PHYKPL: variants seen among roughly 807,000 people sequenced by gnomAD.
The protein encoded by PHYKPL is 5-phosphohydroxy-L-lysine phospho-lyase.
In PHYKPL, 42 loss-of-function variants were observed where a neutral mutation model predicts 51.3. The ratio of observed to expected loss-of-function variants is 0.82; its 90% CI spans 0.64 to 1.06. The LOEUF (loss-of-function observed/expected upper bound fraction) is 1.06, where lower values mean the gene tolerates loss of function less well. Among genes scored for constraint, PHYKPL ranks in the 50% least tolerant of loss-of-function variants. PHYKPL has a pLI of 0.00. For missense variants in PHYKPL, 655 were observed against 586.6 expected (o/e 1.12, Z -1.20); for synonymous variants, 264 against 236.0 (o/e 1.12, Z -1.09).
chr5:178,231,940 G>A lies in PHYKPL; in HGVS notation c.60-417C>T, dbSNP rs574674774. The A allele has an allele frequency of 1.7e-5, 21 of 1,264,160 alleles. No homozygotes were observed. The South Asian group carries it at 2.6e-4, about 16-fold the overall frequency. The allele number at this position is 1,264,160 out of a possible 1,614,324, so 78.3% of individuals were successfully genotyped here. ...CCCTAAACAGCTCCTTGCCAGCCAC[G>A]TGGCCCTGCTGCCCCTCGCTGGGTG... On this transcript the variant is annotated intron_variant, in intron 1 of 12. Coordinates refer to ENST00000308158, the MANE Select transcript of PHYKPL (RefSeq NM_153373.4).
At position 178,208,793 on chromosome 5, in the gene PHYKPL, T is replaced by TGG. The variant is rs1323762000; in HGVS notation, c.*152_*153dup. On this transcript the variant is annotated 3_prime_UTR_variant, in exon 13 of 13. Coordinates refer to ENST00000308158, the MANE Select transcript of PHYKPL (RefSeq NM_153373.4). ...CAGACCAGTGGTTAGGAGGAGGGGG[T>TGG]GGGTAGCATTATGGCCTCGGGCAGG... is the stretch of plus-strand genomic sequence containing the variant. The TGG allele has an allele frequency of 6.5e-6, 1 of 152,814 alleles. No homozygotes were observed. Among genetic ancestry groups the TGG allele is most frequent in the Non-Finnish European group, 1.5e-5 (1 of 68,650 alleles). The allele number at this position is 152,814 out of a possible 1,614,324, so 9.5% of individuals were successfully genotyped here. A position where few individuals can be genotyped will look rare whatever the true frequency, so the allele number is the denominator to read the frequency against.
At chr5:178,215,573 C>A in intron 8 of PHYKPL, 143 bp from the exon 9 acceptor site, 1 of 983,124 alleles carries the variant, frequency 1.0e-6, no homozygotes, top group South Asian at 1.8e-5. Context: ...GCGCACAGTC[C>A]TCAGCAGTAG....
In PHYKPL at chr5:178,224,734, G is replaced by A. The variant is rs1358138512; in HGVS notation, c.414-5C>T. On this transcript the variant is annotated splice_polypyrimidine_tract_variant and splice_region_variant and intron_variant, in intron 4 of 12. Coordinates refer to ENST00000308158, the MANE Select transcript of PHYKPL (RefSeq NM_153373.4). ...CTCAGGTGGCCGTGATACGCACTGGGGAGGAGAAGGGAGGGTAGGCTCGGG... is the reference window on the plus strand; with the variant it reads ...CTCAGGTGGCCGTGATACGCACTGGAGAGGAGAAGGGAGGGTAGGCTCGGG... 1.2e-6 allele frequency: 2 copies of A among 1,608,962 alleles called. No homozygotes were observed. Among genetic ancestry groups the A allele is most frequent in the African/African-American group, 2.7e-5 (2 of 74,826 alleles).
downstream of PHYKPL, among the ~76,000 whole-genome samples, chr5:178,207,647 CCTT>C (rs35401240): frequency 0.061 from 9,186 of 150,952 alleles, 399 homozygotes; most frequent in Non-Finnish European, 0.086. Context: ...CTTTCTACCT[CCTT>C]CTACAACCAA....
At chr5:178,227,144 T>C (rs1172784689) in intron 3 of PHYKPL, among the ~76,000 whole-genome samples, 2 of 151,278 alleles carry the variant, frequency 1.3e-5, no homozygotes, top group African/African-American at 4.9e-5. Context: ...GATATGGAGA[T>C]AAGAGAGGTG....
chr5:178,224,511 T>G lies in PHYKPL; in HGVS notation c.555A>C (p.Pro185=). 6.2e-7 allele frequency: 1 copy of G among 1,613,688 alleles called. No homozygotes were observed. ...TCACCTCGTTGGCATAGGCCATAGC[T>G]GGGTTGGGGTGGTCCTCCCGGTAGG... ...RGPYREDHPN[P]AMAYANEVKR... is the part of the protein sequence containing the mutation. The change falls in exon 6 of 13, where the codon CCA becomes CCC. Residue 185 remains proline, a synonymous_variant. Transcript: ENST00000308158.
chr5:178,215,450 C>G lies in PHYKPL; in HGVS notation c.928-20G>C, dbSNP rs886574727. 2 of 1,599,402 alleles carry G rather than the reference C, an allele frequency of 1.3e-6. No individual in the cohort carries two copies. Among genetic ancestry groups the G allele is most frequent in the Non-Finnish European group, 1.7e-6 (2 of 1,171,574 alleles). Reference sequence around the variant, plus strand: ...CCCAAACTGAGCCAGGGACAAAGAACATGTCAGATGCCCTGGCAGAGTGGG... The same window carrying G: ...CCCAAACTGAGCCAGGGACAAAGAAGATGTCAGATGCCCTGGCAGAGTGGG... On this transcript the variant is annotated intron_variant, in intron 8 of 12. Coordinates refer to ENST00000308158, the MANE Select transcript of PHYKPL (RefSeq NM_153373.4).
intron 3 of PHYKPL, chr5:178,228,730 C>T: frequency 3.0e-6 from 2 of 657,786 alleles, no homozygotes; most frequent in Middle Eastern, 2.5e-4. Context: ...CTCCCAGATA[C>T]ACTGTAATCG....
intron 2 of PHYKPL, 141 bp from the exon 3 acceptor site, chr5:178,230,240 A>G: frequency 9.9e-7 from 1 of 1,014,198 alleles, no homozygotes; most frequent in Non-Finnish European, 1.4e-6. Context: ...CTGAAGGCAG[A>G]GCAGGGAGAG....
chr5:178,210,660 C>CTTTG (rs768890464), intron 12 of PHYKPL: 7 of 1,525,596 alleles, frequency 4.6e-6, no homozygotes, highest in Admixed American at 1.7e-5. Context: ...CGCACACATG[C>CTTTG]TTTGTTTGGA....
chr5:178,212,025 C>T (rs373104584), intron 11 of PHYKPL, 55 bp from the exon 12 acceptor site: 28 of 1,585,434 alleles, frequency 1.8e-5, no homozygotes, highest in African/African-American at 1.6e-4. Context: ...GCTGAAGATG[C>T]CCTGTTGACT....
Position 178,209,641 on chromosome 5 carries a change from A to G in PHYKPL, c.*32-726T>C, listed in dbSNP as rs576179330. Among the ~76,000 whole-genome samples the G allele has an allele frequency of 3.6e-4, 55 of 152,172 alleles. 1 individual carries two copies. Among genetic ancestry groups the G allele is most frequent in the African/African-American group, 1.1e-3 (47 of 41,500 alleles). On this transcript the variant is annotated intron_variant, in intron 12 of 12. Coordinates refer to ENST00000308158, the MANE Select transcript of PHYKPL (RefSeq NM_153373.4). ...CTGTTGCCTGCTGCTGCCCCTTGGAATGGCTTGGGTGCCCAGGGCAGAGAG... is the reference window on the plus strand; with the variant it reads ...CTGTTGCCTGCTGCTGCCCCTTGGAGTGGCTTGGGTGCCCAGGGCAGAGAG...
chr5:178,225,496 G>A, intron 3 of PHYKPL, 67 bp from the exon 4 acceptor site: 1 of 1,510,952 alleles, frequency 6.6e-7, no homozygotes, highest in Non-Finnish European at 9.2e-7. Context: ...AAATGCTGAG[G>A]GCAGGAGGAC....
chr5:178,211,805 A>G (rs1758528984), intron 12 of PHYKPL, 85 bp downstream of exon 12: 2 of 937,722 alleles, frequency 2.1e-6, no homozygotes, highest in South Asian at 1.5e-5. Flanking sequence ...GTCTTAAAAA[A>G]AGGCTCAGCT....
downstream of PHYKPL, among the ~76,000 whole-genome samples, chr5:178,208,015 A>T (rs541621207): frequency 1.3e-5 from 2 of 152,292 alleles, no homozygotes; most frequent in Admixed American, 1.3e-4. Flanking sequence ...AACCCAGGCA[A>T]AAATCCTTCC....
In PHYKPL at chr5:178,225,391, T is replaced by C. The variant is rs7707147; in HGVS notation, c.377A>G (p.His126Arg). The C allele has an allele frequency of 0.011, 17,729 of 1,614,098 alleles. 1,215 individuals are homozygous for C. In the African/African-American group the frequency reaches 0.17, roughly 15 times the overall value. Residue 126 changes from histidine (H) to arginine (R), a missense_variant, in exon 4 of 13, where the codon CAC (histidine) becomes CGC (arginine). His to Arg is a conservative substitution (Grantham distance 29). Transcript: ENST00000308158. ...CACCACGTCCTGGTGTCCCGTGTAG[T>C]GGCGAGCCAGCCTCAGGGCCAGGTC... is the stretch of plus-strand genomic sequence containing the variant. Reference protein sequence around the residue: ...ANDLALRLARHYTGHQDVVVL... With the variant: ...ANDLALRLARRYTGHQDVVVL...
chr5:178,230,118 C>G lies in PHYKPL; in HGVS notation c.179-19G>C. ...TGCCCAACTGGAAGAGGGCCGCCTC[C>G]GTCACACGGCTGGCTCCACTCAGCC... On this transcript the variant is annotated intron_variant, in intron 2 of 12. Coordinates refer to ENST00000308158, the MANE Select transcript of PHYKPL (RefSeq NM_153373.4). The G allele has an allele frequency of 6.2e-7, 1 of 1,612,324 alleles. No homozygotes were observed. Among genetic ancestry groups the G allele is most frequent in the East Asian group, 2.2e-5 (1 of 44,862 alleles).
chr5:178,227,580 G>A (rs1466126974), intron 3 of PHYKPL, among the ~76,000 whole-genome samples: 1 of 152,160 alleles, frequency 6.6e-6, no homozygotes, highest in Non-Finnish European at 1.5e-5. Flanking sequence ...AGATGAGGGA[G>A]GCCAGGGCCT....
intron 3 of PHYKPL, 98 bp downstream of exon 3, chr5:178,229,842 G>C: frequency 1.4e-6 from 2 of 1,481,204 alleles, no homozygotes; most frequent in African/African-American, 2.8e-5. Context: ...GCCTCTCCGA[G>C]TCCACACTCG....
Sources: allele counts gnomAD v4.1 joint callset (sites outside exome capture counted in the v4.1 genomes callset), GRCh38; gene constraint gnomAD v4.1.1; transcripts MANE v1.5; gene names NCBI Gene and HGNC (gene_info 2026-07-23, HGNC 2026-07-21).